Variants in CSMD1 observed in about 807,000 individuals in gnomAD.
CSMD1 encodes the protein CUB and sushi domain-containing protein 1.
CSMD1 carries 213 observed loss-of-function variants against 417.5 expected under a neutral mutation model. The observed-to-expected ratio is 0.51, with a 90% confidence interval of 0.46 to 0.57. CSMD1 has a LOEUF of 0.57. Among genes scored for constraint, CSMD1 ranks in the 20% least tolerant of loss-of-function variants. CSMD1 has a pLI of 0.00. For synonymous variants in CSMD1, 2,862 were observed against 1,736.8 expected (o/e 1.65, Z -16.11); for missense variants, 6,923 against 4,529.7 (o/e 1.53, Z -15.17).
chr8:4,382,530 A>G, intron 3 of CSMD1, among the ~76,000 whole-genome samples: 1 of 152,206 alleles, frequency 6.6e-6, no homozygotes, highest in Non-Finnish European at 1.5e-5. Context: ...ACTGTATTGC[A>G]AAAAGGATTA....
intron 10 of CSMD1, among the ~76,000 whole-genome samples, chr8:3,555,674 T>G (rs1331928974): frequency 1.3e-5 from 2 of 151,142 alleles, no homozygotes; most frequent in Non-Finnish European, 2.9e-5. Context: ...TCTGATAACT[T>G]AAATGTGAGG....
At chr8:3,982,317 A>C (rs1813946247) in intron 5 of CSMD1, among the ~76,000 whole-genome samples, 1 of 151,834 alleles carries the variant, frequency 6.6e-6, no homozygotes. Flanking sequence ...TAAATTACAC[A>C]ATCCTTCTCT....
chr8:4,495,419 C>CA (rs1174752077), intron 2 of CSMD1, among the ~76,000 whole-genome samples: 5 of 151,858 alleles, frequency 3.3e-5, no homozygotes, highest in South Asian at 2.1e-4. Flanking sequence ...ACTAAAAATA[C>CA]AGAAAATTAG....
intron 3 of CSMD1, among the ~76,000 whole-genome samples, chr8:4,089,545 A>G (rs1281062019): frequency 2.0e-5 from 3 of 152,132 alleles, no homozygotes; most frequent in African/African-American, 2.4e-5. Context: ...ATTTAACACA[A>G]TTTGGATTCT....
At chr8:4,255,201 A>G (rs1383686334) in intron 3 of CSMD1, among the ~76,000 whole-genome samples, 1 of 152,180 alleles carries the variant, frequency 6.6e-6, no homozygotes. Context: ...GTGCCAACTA[A>G]TTTTTATAAG....
At chr8:4,933,965 G>A (rs867409680) in intron 1 of CSMD1, among the ~76,000 whole-genome samples, 1 of 151,848 alleles carries the variant, frequency 6.6e-6, no homozygotes, top group African/African-American at 2.4e-5. Context: ...TGCCCACACA[G>A]TCACTCTCAC....
chr8:3,250,381 C>G (rs541764017), intron 26 of CSMD1, among the ~76,000 whole-genome samples: 4 of 152,316 alleles, frequency 2.6e-5, no homozygotes, highest in Admixed American at 2.0e-4. Context: ...CTACAAAGGA[C>G]ATGAACTCAT....
intron 37 of CSMD1, among the ~76,000 whole-genome samples, chr8:3,170,101 C>T (rs59097741): frequency 0.024 from 3,600 of 152,370 alleles, 47 homozygotes; most frequent in East Asian, 0.039. Flanking sequence ...CTGTGGCAGC[C>T]AGCCCTGCTA....
At chr8:3,177,879 T>C (rs1821042629) in intron 37 of CSMD1, among the ~76,000 whole-genome samples, 1 of 136,258 alleles carries the variant, frequency 7.3e-6, no homozygotes, top group African/African-American at 2.9e-5. Flanking sequence ...CTCTAAGATA[T>C]CTGGATATGT....
chr8:4,372,251 T>G (rs557279646), intron 3 of CSMD1, among the ~76,000 whole-genome samples: 3 of 152,314 alleles, frequency 2.0e-5, no homozygotes, highest in Non-Finnish European at 4.4e-5. Flanking sequence ...GAAGTAAAGA[T>G]ACATAACGTC....
intron 11 of CSMD1, among the ~76,000 whole-genome samples, chr8:3,472,305 C>G (rs558329458): frequency 2.0e-5 from 3 of 152,138 alleles, no homozygotes; most frequent in Admixed American, 1.3e-4. Flanking sequence ...GCTGACCACA[C>G]TGCAACATCT....
At chr8:4,939,594 T>A (rs2117228935) in intron 1 of CSMD1, among the ~76,000 whole-genome samples, 1 of 152,076 alleles carries the variant, frequency 6.6e-6, no homozygotes, top group South Asian at 2.1e-4. Context: ...CTAAAATAGT[T>A]GAACTCAATG....
chr8:4,535,100 G>T (rs1297311835), intron 2 of CSMD1, among the ~76,000 whole-genome samples: 1 of 151,910 alleles, frequency 6.6e-6, no homozygotes, highest in African/African-American at 2.4e-5. Flanking sequence ...ATAGGACTAG[G>T]GTAGAAGATA....
At chr8:3,888,732 C>G (rs1435022999) in intron 5 of CSMD1, among the ~76,000 whole-genome samples, 3 of 152,094 alleles carry the variant, frequency 2.0e-5, no homozygotes, top group Non-Finnish European at 4.4e-5. Flanking sequence ...TTATTGAGTC[C>G]CAGTCTCTGG....
At chr8:3,899,439 G>T (rs192619079) in intron 5 of CSMD1, among the ~76,000 whole-genome samples, 1 of 152,176 alleles carries the variant, frequency 6.6e-6, no homozygotes, top group Non-Finnish European at 1.5e-5. Flanking sequence ...GGGATTGTAC[G>T]TGGGGAGATG....
At chr8:3,006,286 C>T (rs372965081) in intron 52 of CSMD1, among the ~76,000 whole-genome samples, 156 of 150,530 alleles carry the variant, frequency 1.0e-3, no homozygotes, top group Non-Finnish European at 1.7e-3. Flanking sequence ...TACAAACAAA[C>T]GGAAGAACAT....
At chr8:3,000,558 G>C (rs73502868) in intron 52 of CSMD1, among the ~76,000 whole-genome samples, 10,130 of 152,182 alleles carry the variant, frequency 0.067, 1,124 homozygotes, top group African/African-American at 0.23. Flanking sequence ...CAGTCAGATA[G>C]ACTAGATAAT....
In CSMD1 at chr8:2,938,477, G is replaced by A. The variant is rs1297053606; in HGVS notation, c.*108C>T. 10 of 1,063,096 alleles carry A rather than the reference G, an allele frequency of 9.4e-6. No homozygotes were observed. In the Admixed American group the frequency reaches 1.1e-4, roughly 11 times the overall value. 65.9% of individuals were successfully genotyped at this position (1,063,096 alleles called of 1,614,324 possible). A position where few individuals can be genotyped will look rare whatever the true frequency, so the allele number is the denominator to read the frequency against. On this transcript the variant is annotated 3_prime_UTR_variant, in exon 70 of 70. Coordinates refer to ENST00000635120, the MANE Select transcript of CSMD1 (RefSeq NM_033225.6). ...ATGCCAGTAGACAAGGTTGAAGATC[G>A]CTGCAGTAAAGCCAGAGTGGAAGGG...
intron 3 of CSMD1, among the ~76,000 whole-genome samples, chr8:4,299,242 T>C (rs1444451401): frequency 2.6e-5 from 4 of 152,142 alleles, no homozygotes; most frequent in Non-Finnish European, 5.9e-5. Context: ...AATAAGACAC[T>C]GTAAATATTT....
Sources: gnomAD v4.1 joint callset for allele counts (sites outside exome capture counted in the v4.1 genomes callset) on GRCh38, gnomAD v4.1.1 for gene constraint, MANE v1.5 for transcripts, NCBI Gene and HGNC (gene_info 2026-07-23, HGNC 2026-07-21) for gene names.